SYT1: variants seen among roughly 807,000 people sequenced by gnomAD.
The protein encoded by SYT1 is synaptotagmin 1, also known as synaptotagmin-1.
In SYT1, 8 loss-of-function variants were observed where a neutral mutation model predicts 44.8. That is an observed-to-expected ratio of 0.18 (90% CI 0.10 to 0.32). SYT1 has a LOEUF of 0.32. Among genes scored for constraint, SYT1 ranks in the 10% least tolerant of loss-of-function variants. The pLI, the probability that SYT1 is intolerant of heterozygous loss-of-function variation, is 1.00. For missense variants in SYT1, 286 were observed against 509.3 expected (o/e 0.56, Z 4.22); for synonymous variants, 154 against 188.8 (o/e 0.82, Z 1.51).
At position 79,126,086 on chromosome 12, in the gene SYT1, C is replaced by G. The variant is rs145160847; in HGVS notation, c.-18+78724C>G. ...TATTTCAATGGTAATGCAGTGATTA[C>G]TGAAAAGTGAATATTAAAGACTTAT... On this transcript the variant is annotated intron_variant, in intron 3 of 10. Coordinates refer to ENST00000261205, the MANE Select transcript of SYT1 (RefSeq NM_005639.3). Among the ~76,000 whole-genome samples, 5 of 152,186 alleles carry G rather than the reference C, an allele frequency of 3.3e-5. No homozygotes were observed. The East Asian group carries it at 9.6e-4, about 29-fold the overall frequency.
At chr12:79,392,133 T>C (rs1593027138) in intron 9 of SYT1, 1 of 152,186 alleles carries the variant, frequency 6.6e-6, no homozygotes, top group Admixed American at 6.5e-5. Context: ...TGGGAGAGTA[T>C]CTTAATGACC....
Position 79,151,294 on chromosome 12 carries a change from T to C in SYT1, c.-17-66209T>C, listed in dbSNP as rs552254436. Among the ~76,000 whole-genome samples the C allele has an allele frequency of 7.2e-5, 11 of 152,280 alleles. No individual in the cohort carries two copies. In the East Asian group the frequency reaches 1.5e-3, roughly 21 times the overall value. The stretch of plus-strand genomic sequence containing the variant: ...ACAACCTGGAGATTATAAAGTTCCA[T>C]ATTTACTAAGATTGACATTCCCACC... On this transcript the variant is annotated intron_variant, in intron 3 of 10. Transcript: ENST00000261205.
At chr12:79,089,515 A>AG (rs1218487878) in intron 3 of SYT1, among the ~76,000 whole-genome samples, 8 of 149,122 alleles carry the variant, frequency 5.4e-5, no homozygotes, top group Admixed American at 1.3e-4. Context: ...AAAAAAGAAA[A>AG]GAAAAAAAAA....
chr12:79,145,686 T>G (rs1869834152), intron 3 of SYT1, among the ~76,000 whole-genome samples: 1 of 152,158 alleles, frequency 6.6e-6, no homozygotes, highest in Admixed American at 6.5e-5. Flanking sequence ...ACACAGCTAA[T>G]TTTTCAAACC....
At chr12:79,347,752 T>G (rs1273290775) in intron 8 of SYT1, among the ~76,000 whole-genome samples, 1 of 152,186 alleles carries the variant, frequency 6.6e-6, no homozygotes, top group Non-Finnish European at 1.5e-5. Context: ...CTCTTATGGA[T>G]CTGATATTCT....
At chr12:78,949,466 A>G (rs1878847062) in intron 1 of SYT1, among the ~76,000 whole-genome samples, 1 of 147,978 alleles carries the variant, frequency 6.8e-6, no homozygotes, top group Admixed American at 7.0e-5. Context: ...TCACAAGACA[A>G]TATAGCTCAT....
chr12:79,333,189 A>T (rs958154), intron 8 of SYT1, among the ~76,000 whole-genome samples: 268 of 152,320 alleles, frequency 1.8e-3, no homozygotes, highest in Middle Eastern at 0.01. Context: ...TATTTCTCAC[A>T]GTTCTGGAAG....
chr12:79,078,381 A>G (rs1462257410), intron 3 of SYT1, among the ~76,000 whole-genome samples: 3 of 152,200 alleles, frequency 2.0e-5, no homozygotes, highest in South Asian at 2.1e-4. Flanking sequence ...ATAATAGCCA[A>G]TATATATAAA....
intron 1 of SYT1, among the ~76,000 whole-genome samples, chr12:78,914,027 T>C (rs1565714615): frequency 6.6e-6 from 1 of 151,900 alleles, no homozygotes; most frequent in African/African-American, 2.4e-5. Context: ...AATTTTTACC[T>C]ATTTCACAAT....
In SYT1 at chr12:79,249,648, G is replaced by A. The variant is rs1592897197; in HGVS notation, c.166+31963G>A. On this transcript the variant is annotated intron_variant, in intron 4 of 10. Coordinates refer to ENST00000261205, the MANE Select transcript of SYT1 (RefSeq NM_005639.3). Reference sequence around the variant, plus strand: ...ACCTGCAGGAAGGATGTAGAAACAAGGGTCTTGTCATTTGCAGATAACCAA... The same window carrying A: ...ACCTGCAGGAAGGATGTAGAAACAAAGGTCTTGTCATTTGCAGATAACCAA... 2.0e-5 allele frequency among the ~76,000 whole-genome samples: 3 copies of A among 152,334 alleles called. No individual in the cohort carries two copies. The East Asian group carries it at 5.8e-4, about 29-fold the overall frequency.
intron 3 of SYT1, among the ~76,000 whole-genome samples, chr12:79,149,049 T>G (rs1007822219): frequency 6.6e-6 from 1 of 152,146 alleles, no homozygotes; most frequent in South Asian, 2.1e-4. Flanking sequence ...TATAAGAACA[T>G]TACTTTATAT....
chr12:79,025,817 CCAGA>C (rs1872495552), intron 2 of SYT1, among the ~76,000 whole-genome samples: 1 of 151,356 alleles, frequency 6.6e-6, no homozygotes. Context: ...TTAAAAAATA[CCAGA>C]CATTGTAACT....
intron 2 of SYT1, among the ~76,000 whole-genome samples, chr12:79,044,106 T>C (rs1254100307): frequency 6.6e-6 from 1 of 152,044 alleles, no homozygotes; most frequent in East Asian, 1.9e-4. Context: ...TTATGTGTCT[T>C]GGAGTTGCTC....
At chr12:78,980,219 G>A (rs1225990299) in intron 2 of SYT1, among the ~76,000 whole-genome samples, 1 of 152,088 alleles carries the variant, frequency 6.6e-6, no homozygotes, top group Non-Finnish European at 1.5e-5. Flanking sequence ...ATGAAAAGAC[G>A]GAATGTCGTG....
intron 8 of SYT1, among the ~76,000 whole-genome samples, chr12:79,350,260 T>TC (rs1882832490): frequency 6.9e-6 from 1 of 145,368 alleles, no homozygotes; most frequent in Non-Finnish European, 1.5e-5. Flanking sequence ...TTTTTTTTTT[T>TC]TTTTTTTTTT....
At chr12:79,261,159 G>A (rs888551815) in intron 4 of SYT1, among the ~76,000 whole-genome samples, 20 of 152,130 alleles carry the variant, frequency 1.3e-4, no homozygotes, top group Non-Finnish European at 4.4e-5. Context: ...GTGTACTTTA[G>A]AGCCATAAGT....
intron 9 of SYT1, among the ~76,000 whole-genome samples, chr12:79,406,281 G>T (rs1885241158): frequency 6.6e-6 from 1 of 152,222 alleles, no homozygotes; most frequent in Admixed American, 6.6e-5. Context: ...GTAGCTGCAG[G>T]TTAAGCACTA....
rs1870999793 is a variant in SYT1, at chr12:79,162,377, A to C, written c.-17-55126A>C. Among the ~76,000 whole-genome samples the C allele has an allele frequency of 2.6e-5, 4 of 152,122 alleles. No individual in the cohort carries two copies. In the South Asian group the frequency reaches 8.3e-4, roughly 31 times the overall value. ...GGCAAAATGCACTTCAAAAGATGAC[A>C]CCACACTGCCTTATATTCTCGAAAT... On this transcript the variant is annotated intron_variant, in intron 3 of 10. Transcript: ENST00000261205.
intron 3 of SYT1, among the ~76,000 whole-genome samples, chr12:79,130,616 G>C (rs568755087): frequency 9.7e-4 from 148 of 152,276 alleles, no homozygotes; most frequent in African/African-American, 3.5e-3. Flanking sequence ...TCTAAGACTA[G>C]GATTTCTCAG....
Sources: allele counts gnomAD v4.1 joint callset (sites outside exome capture counted in the v4.1 genomes callset), GRCh38; gene constraint gnomAD v4.1.1; transcripts MANE v1.5; gene names NCBI Gene and HGNC (gene_info 2026-07-23, HGNC 2026-07-21).